The following CCL22 variants were observed in gnomAD, a reference collection of about 807,000 sequenced individuals.
The protein encoded by CCL22 is C-C motif chemokine ligand 22.
In CCL22, 7 loss-of-function variants were observed where a neutral mutation model predicts 7.6. The ratio of observed to expected loss-of-function variants is 0.92; its 90% CI spans 0.52 to 1.72. The LOEUF is 1.72. Among genes scored for constraint, CCL22 ranks in the 40% most tolerant of loss-of-function variants. The probability of loss-of-function intolerance (pLI) is 0.00; values close to 1 mark genes in which losing one functional copy is unlikely to be tolerated. For synonymous variants in CCL22, 55 were observed against 47.2 expected (o/e 1.17, Z -0.68); for missense variants, 115 against 124.7 (o/e 0.92, Z 0.37).
Position 57,358,891 on chromosome 16 carries a change from T to C in CCL22, c.73+2T>C, listed in dbSNP as rs199974634. ...TGGCGCTTCAAGCAACTGAGGCAGG[T>C]GAGGCTGGGGAGCAGGAAGACCCCC... On this transcript the variant is annotated splice_donor_variant, in intron 1 of 2. Coordinates refer to ENST00000219235, the MANE Select transcript of CCL22 (RefSeq NM_002990.5). LOFTEE classifies it high-confidence loss of function. 2 of 1,612,576 alleles carry C rather than the reference T, an allele frequency of 1.2e-6. No individual in the cohort carries two copies. The highest frequency in any genetic ancestry group is 1.3e-5 in the African/African-American group (1 of 74,994).
Position 57,360,758 on chromosome 16 carries a change from G to A in CCL22, c.197+198G>A, listed in dbSNP as rs952413839. ...GACTACAAACAAAAATAATGTGATC[G>A]TTTAGCCAATATCCTCAGGCGCTTA... On this transcript the variant is annotated intron_variant, in intron 2 of 2. Coordinates refer to ENST00000219235, the MANE Select transcript of CCL22 (RefSeq NM_002990.5). 3.3e-5 allele frequency among the ~76,000 whole-genome samples: 5 copies of A among 152,328 alleles called. No homozygotes were observed. In the East Asian group the frequency reaches 9.7e-4, roughly 29 times the overall value.
upstream of CCL22, among the ~76,000 whole-genome samples, chr16:57,358,400 C>T (rs1352421124): frequency 6.6e-6 from 1 of 152,198 alleles, no homozygotes; most frequent in Non-Finnish European, 1.5e-5. Flanking sequence ...GGTTGGTCCA[C>T]GTTCTCACTT....
chr16:57,362,638 A>G (rs1597990784), intron 2 of CCL22, among the ~76,000 whole-genome samples: 2 of 152,052 alleles, frequency 1.3e-5, no homozygotes, highest in South Asian at 4.1e-4. Flanking sequence ...GACAGGCAGG[A>G]TCACTTGAGG....
rs771562025 is a variant in CCL22, at chr16:57,364,680, T to C, written c.*1092T>C. 3 of 151,916 alleles carry C rather than the reference T, an allele frequency of 2.0e-5. No homozygotes were observed. The highest frequency in any genetic ancestry group is 4.4e-5 in the Non-Finnish European group (3 of 68,024). The allele number at this position is 151,916 out of a possible 1,614,324, so 9.4% of individuals were successfully genotyped here. On this transcript the variant is annotated 3_prime_UTR_variant, in exon 3 of 3. Transcript: ENST00000219235. ...TTTTAGTAGAGACGAGGCTTCACCA[T>C]GTTGGCCAGGCTGGTCTCGAACTCC...
Position 57,358,792 on chromosome 16 carries a change from T to C in CCL22, c.-25T>C, listed in dbSNP as rs757641433. 1 of 1,584,696 alleles carries C rather than the reference T, an allele frequency of 6.3e-7. No homozygotes were observed. Among genetic ancestry groups the C allele is most frequent in the Non-Finnish European group, 8.7e-7 (1 of 1,153,174 alleles). ...CTTCCTATGTCCCTTTGCAGACACC[T>C]GGGCTGAGACATACAGGACAGAGCA... On this transcript the variant is annotated 5_prime_UTR_variant, in exon 1 of 3. Coordinates refer to ENST00000219235, the MANE Select transcript of CCL22 (RefSeq NM_002990.5).
At chr16:57,363,418 G>A in intron 2 of CCL22, 86 bp from the exon 3 acceptor site, 1 of 783,658 alleles carries the variant, frequency 1.3e-6, no homozygotes. Flanking sequence ...AAAGTAGGTG[G>A]CTCATAAATG....
In CCL22 at chr16:57,364,799, C is replaced by CG. The variant is rs1567550222; in HGVS notation, c.*1211_*1212insG. 2.3e-5 allele frequency: 2 copies of CG among 88,114 alleles called. No individual in the cohort carries two copies. Among genetic ancestry groups the CG allele is most frequent in the Non-Finnish European group, 4.7e-5 (2 of 42,692 alleles). 5.5% of individuals were successfully genotyped at this position (88,114 alleles called of 1,614,324 possible). Reference sequence around the variant, plus strand: ...TGGCCTCTTCCCTCTCCCCACCCCCCCCCCAACTTTTTTTTTTTTTTATGG... The same window carrying CG: ...TGGCCTCTTCCCTCTCCCCACCCCCCGCCCCAACTTTTTTTTTTTTTTATGG... On this transcript the variant is annotated 3_prime_UTR_variant, in exon 3 of 3. Transcript: ENST00000219235.
At position 57,363,822 on chromosome 16, in the gene CCL22, A is replaced by G. The variant is rs1194104239; in HGVS notation, c.*234A>G. On this transcript the variant is annotated 3_prime_UTR_variant, in exon 3 of 3. Coordinates refer to ENST00000219235, the MANE Select transcript of CCL22 (RefSeq NM_002990.5). ...CCTGCAGTCAGAGGGTCCTGTTCCCATCAGCGATTCCCCTGCTTAAACCCT... is the reference window on the plus strand; with the variant it reads ...CCTGCAGTCAGAGGGTCCTGTTCCCGTCAGCGATTCCCCTGCTTAAACCCT... 4.0e-6 allele frequency: 2 copies of G among 496,930 alleles called. No individual in the cohort carries two copies. Among genetic ancestry groups the G allele is most frequent in the East Asian group, 6.7e-5 (2 of 29,906 alleles). 30.8% of individuals were successfully genotyped at this position (496,930 alleles called of 1,614,324 possible).
At chr16:57,358,000 T>G (rs146541215), upstream of CCL22, among the ~76,000 whole-genome samples, 1,126 of 152,240 alleles carry the variant, frequency 7.4e-3, 22 homozygotes, top group African/African-American at 0.025. Flanking sequence ...CCACTCACGC[T>G]GGCTGCTGCA....
At chr16:57,359,090 C>T (rs1188088799) in intron 1 of CCL22, among the ~76,000 whole-genome samples, 4 of 152,116 alleles carry the variant, frequency 2.6e-5, no homozygotes, top group Non-Finnish European at 5.9e-5. Context: ...GACTTGGAGT[C>T]TAGGATCTGT....
chr16:57,363,094 C>T (rs1209678498), intron 2 of CCL22, among the ~76,000 whole-genome samples: 1 of 151,896 alleles, frequency 6.6e-6, no homozygotes, highest in African/African-American at 2.4e-5. Context: ...CTCCTGAGTC[C>T]AAGCAATCCT....
upstream of CCL22, chr16:57,358,689 A>G (rs1343920012): frequency 1.4e-6 from 1 of 722,378 alleles, no homozygotes; most frequent in Non-Finnish European, 2.5e-6. Context: ...GTGAATGTCA[A>G]GTGACTCTGG....
At chr16:57,361,661 T>C (rs1902051386) in intron 2 of CCL22, among the ~76,000 whole-genome samples, 1 of 152,232 alleles carries the variant, frequency 6.6e-6, no homozygotes, top group East Asian at 1.9e-4. Context: ...TGCACCTGGC[T>C]GGGTGACAAG....
chr16:57,360,606 T>C, intron 2 of CCL22, 46 bp downstream of exon 2: 1 of 1,612,314 alleles, frequency 6.2e-7, no homozygotes, highest in East Asian at 2.2e-5. Flanking sequence ...GCCTGACGGG[T>C]ACAGCCTGGG....
chr16:57,358,619 C>A (rs920523303), upstream of CCL22, among the ~76,000 whole-genome samples: 39 of 152,202 alleles, frequency 2.6e-4, no homozygotes, highest in African/African-American at 8.4e-4. Flanking sequence ...CTGAGTGGTT[C>A]CCCGCCAAAG....
intron 2 of CCL22, among the ~76,000 whole-genome samples, chr16:57,361,703 G>T (rs151318223): frequency 6.6e-6 from 1 of 152,178 alleles, no homozygotes; most frequent in African/African-American, 2.4e-5. Flanking sequence ...CTCTCTGGCT[G>T]CTTCTCCAAC....
Position 57,363,632 on chromosome 16 carries a change from C to T in CCL22, c.*44C>T. The T allele has an allele frequency of 8.0e-7, 1 of 1,245,430 alleles. No homozygotes were observed. The highest frequency in any genetic ancestry group is 1.7e-5 in the Admixed American group (1 of 58,860). The allele number at this position is 1,245,430 out of a possible 1,614,324, so 77.1% of individuals were successfully genotyped here. ...CGTGGCCTTGGCTCCTCCAGGAAGGCTCAGGAGCCCTACCTCCCTGCCATT... is the reference window on the plus strand; with the variant it reads ...CGTGGCCTTGGCTCCTCCAGGAAGGTTCAGGAGCCCTACCTCCCTGCCATT... On this transcript the variant is annotated 3_prime_UTR_variant, in exon 3 of 3. Transcript: ENST00000219235.
chr16:57,362,331 A>G (rs746921930), intron 2 of CCL22, among the ~76,000 whole-genome samples: 18 of 152,094 alleles, frequency 1.2e-4, no homozygotes, highest in African/African-American at 1.7e-4. Context: ...ATTTTTTTAA[A>G]TAAAAAAGGC....
upstream of CCL22, among the ~76,000 whole-genome samples, chr16:57,358,170 G>A (rs184342927): frequency 6.6e-6 from 1 of 152,208 alleles, no homozygotes; most frequent in East Asian, 1.9e-4. Flanking sequence ...AGACAGGAGT[G>A]GGGGAGGGAG....
Sources: gnomAD v4.1 joint callset for allele counts (sites outside exome capture counted in the v4.1 genomes callset) on GRCh38, gnomAD v4.1.1 for gene constraint, MANE v1.5 for transcripts, NCBI Gene and HGNC (gene_info 2026-07-23, HGNC 2026-07-21) for gene names.